TBPL1: variants seen among roughly 807,000 people sequenced by gnomAD.
TBPL1 encodes the protein TATA box-binding protein-like 1.
A neutral mutation model predicts 22.1 loss-of-function variants in TBPL1; 4 were observed. The ratio of observed to expected loss-of-function variants is 0.18; its 90% CI spans 0.09 to 0.41. TBPL1 has a LOEUF of 0.41. Among genes scored for constraint, TBPL1 ranks in the 10% least tolerant of loss-of-function variants. The pLI, the probability that TBPL1 is intolerant of heterozygous loss-of-function variation, is 1.00. For missense variants in TBPL1, 115 were observed against 222.3 expected (o/e 0.52, Z 3.07); for synonymous variants, 64 against 71.0 (o/e 0.90, Z 0.50).
chr6:133,986,043 C>T (rs1221713769), intron 6 of TBPL1: 3 of 152,150 alleles, frequency 2.0e-5, no homozygotes, highest in Admixed American at 1.3e-4. Context: ...AGACAATTCA[C>T]CTGGTTAAGC....
At chr6:133,958,618 T>G (rs1775966083) in intron 1 of TBPL1, among the ~76,000 whole-genome samples, 1 of 152,228 alleles carries the variant, frequency 6.6e-6, no homozygotes, top group Non-Finnish European at 1.5e-5. Context: ...ATGTTTTAGT[T>G]TAGTTGTGTG....
In TBPL1 at chr6:133,989,612, T is replaced by A. The variant is rs1203023195; in HGVS notation, c.*2572T>A. On this transcript the variant is annotated 3_prime_UTR_variant, in exon 7 of 7. Coordinates refer to ENST00000237264, the MANE Select transcript of TBPL1 (RefSeq NM_004865.4). ...GATAGAATTGAGATCTCCAATCTCCTTTCCTTTTAGCTTCCCCCTGCCAAT... is the reference window on the plus strand; with the variant it reads ...GATAGAATTGAGATCTCCAATCTCCATTCCTTTTAGCTTCCCCCTGCCAAT... The A allele has an allele frequency of 6.6e-6, 1 of 152,176 alleles. No homozygotes were observed. Among genetic ancestry groups the A allele is most frequent in the Non-Finnish European group, 1.5e-5 (1 of 68,024 alleles). 9.4% of individuals were successfully genotyped at this position (152,176 alleles called of 1,614,324 possible).
In TBPL1 at chr6:133,984,706, A is replaced by G. The variant is rs199917292; in HGVS notation, c.481+35A>G. On this transcript the variant is annotated intron_variant, in intron 6 of 6. Transcript: ENST00000237264. ...GATATTGAAACCACACTTATCAATT[A>G]TGGATTGAATGATACAAGATGCTCA... The G allele has an allele frequency of 7.6e-5, 114 of 1,491,566 alleles. 2 individuals carry two copies. The East Asian group carries it at 2.4e-3, about 32-fold the overall frequency. 92.4% of individuals were successfully genotyped at this position (1,491,566 alleles called of 1,614,324 possible).
chr6:133,985,908 A>G (rs983624960), intron 6 of TBPL1: 1 of 152,180 alleles, frequency 6.6e-6, no homozygotes, highest in Non-Finnish European at 1.5e-5. Context: ...ACTTTGGAGC[A>G]TGGATGTCTG....
intron 1 of TBPL1, among the ~76,000 whole-genome samples, chr6:133,960,693 A>G (rs1776006903): frequency 6.6e-6 from 1 of 152,150 alleles, no homozygotes; most frequent in Admixed American, 6.5e-5. Context: ...ATAGAGGAAA[A>G]ATGGCTTCAT....
intron 6 of TBPL1, among the ~76,000 whole-genome samples, chr6:133,985,169 T>G (rs1171261135): frequency 6.7e-6 from 1 of 149,552 alleles, no homozygotes; most frequent in African/African-American, 2.5e-5. Context: ...GTCCCAGCTA[T>G]TCGGGAGGCT....
chr6:133,954,890 C>G (rs949187319), intron 1 of TBPL1, among the ~76,000 whole-genome samples: 3 of 152,056 alleles, frequency 2.0e-5, no homozygotes, highest in Admixed American at 2.0e-4. Flanking sequence ...TGAGGGCTAG[C>G]CAGAATATAG....
chr6:133,952,606 A>T (rs888535081), upstream of TBPL1: 1 of 152,178 alleles, frequency 6.6e-6, no homozygotes, highest in Admixed American at 6.5e-5. The surrounding 1 kb of genome is among the most constrained non-coding windows in gnomAD (Gnocchi z 4.5). Context: ...TAAGACCAGG[A>T]TTCCAATTCG....
At chr6:133,976,582 T>C (rs1195755957) in intron 1 of TBPL1, among the ~76,000 whole-genome samples, 1 of 152,226 alleles carries the variant, frequency 6.6e-6, no homozygotes, top group Non-Finnish European at 1.5e-5. Flanking sequence ...AAGAATAACC[T>C]AAGCCTTTGA....
chr6:133,976,613 C>T (rs1299478171), intron 1 of TBPL1, among the ~76,000 whole-genome samples: 1 of 152,120 alleles, frequency 6.6e-6, no homozygotes, highest in Non-Finnish European at 1.5e-5. Flanking sequence ...TTTAGTTAGA[C>T]CTGTTTAACC....
intron 1 of TBPL1, among the ~76,000 whole-genome samples, chr6:133,973,231 G>T (rs181276459): frequency 5.3e-5 from 8 of 152,272 alleles, no homozygotes; most frequent in African/African-American, 1.9e-4. Context: ...CTATCTCTAG[G>T]AGACCATGTG....
intron 1 of TBPL1, among the ~76,000 whole-genome samples, chr6:133,954,450 T>C (rs1205806865): frequency 6.6e-6 from 1 of 152,272 alleles, no homozygotes; most frequent in Non-Finnish European, 1.5e-5. Flanking sequence ...TATTGAGAAG[T>C]GACTGTTAGC....
intron 1 of TBPL1, among the ~76,000 whole-genome samples, chr6:133,972,356 A>G (rs891888807): frequency 3.9e-5 from 6 of 152,218 alleles, no homozygotes; most frequent in African/African-American, 1.4e-4. Flanking sequence ...TAAAACCGGG[A>G]TCTAATCAAG....
intron 1 of TBPL1, among the ~76,000 whole-genome samples, chr6:133,962,040 C>T (rs1350210336): frequency 1.3e-5 from 2 of 151,978 alleles, no homozygotes; most frequent in African/African-American, 4.8e-5. Context: ...GTAAAAGTTT[C>T]CTAGTTGAAG....
At chr6:133,957,374 T>C (rs191486087) in intron 1 of TBPL1, among the ~76,000 whole-genome samples, 1 of 152,340 alleles carries the variant, frequency 6.6e-6, no homozygotes, top group African/African-American at 2.4e-5. Flanking sequence ...GTGGATGATT[T>C]CAGCATTGAA....
rs781014300 is a variant in TBPL1, at chr6:133,982,549, A to C, written c.136-19A>C. Reference sequence around the variant, plus strand: ...GAAAAATAATGCTTATGAGGTAATCAGATTTTTTTTCCCCCCAGAAAGTAT... The same window carrying C: ...GAAAAATAATGCTTATGAGGTAATCCGATTTTTTTTCCCCCCAGAAAGTAT... On this transcript the variant is annotated intron_variant, in intron 2 of 6. Transcript: ENST00000237264. 1 of 1,590,610 alleles carries C rather than the reference A, an allele frequency of 6.3e-7. No individual in the cohort carries two copies. Among genetic ancestry groups the C allele is most frequent in the Non-Finnish European group, 8.6e-7 (1 of 1,163,398 alleles).
At chr6:133,972,231 C>G (rs950465819) in intron 1 of TBPL1, among the ~76,000 whole-genome samples, 2 of 152,190 alleles carry the variant, frequency 1.3e-5, no homozygotes, top group Non-Finnish European at 1.5e-5. Context: ...CATAACCACT[C>G]TATTTTCTCT....
rs1014795332 is a variant in TBPL1, at chr6:133,987,660, A to ATATATATATATATATATATATATATATG, written c.*627_*628insATATATATATATATATATATGTATATAT. ...TGTGTGTGTGTGTGTATATATATATATATATATGCACCACATGTGTATAGT... is the reference window on the plus strand; with the variant it reads ...TGTGTGTGTGTGTGTATATATATATATATATATATATATATATATATATATATGTATATATGCACCACATGTGTATAGT... On this transcript the variant is annotated 3_prime_UTR_variant, in exon 7 of 7. Coordinates refer to ENST00000237264, the MANE Select transcript of TBPL1 (RefSeq NM_004865.4). The ATATATATATATATATATATATATATATG allele has an allele frequency of 1.4e-4, 21 of 145,090 alleles. No homozygotes were observed. The highest frequency in any genetic ancestry group is 4.4e-4 in the South Asian group (2 of 4,522). 9.0% of individuals were successfully genotyped at this position (145,090 alleles called of 1,614,324 possible).
intron 6 of TBPL1, 57 bp downstream of exon 6, chr6:133,984,728 C>A: frequency 7.2e-7 from 1 of 1,380,066 alleles, no homozygotes; most frequent in Non-Finnish European, 1.0e-6. Context: ...ATACAAGATG[C>A]TCATACCAAG....
Sources: gnomAD v4.1 joint callset for allele counts (sites outside exome capture counted in the v4.1 genomes callset) on GRCh38, gnomAD v4.1.1 for gene constraint, Gnocchi (gnomAD v3.1) non-coding constraint, MANE v1.5 for transcripts, NCBI Gene and HGNC (gene_info 2026-07-23, HGNC 2026-07-21) for gene names.